GRIP1: variants seen among roughly 807,000 people sequenced by gnomAD.
GRIP1 encodes glutamate receptor-interacting protein 1.
GRIP1 carries 45 observed loss-of-function variants against 129.9 expected under a neutral mutation model. The ratio of observed to expected loss-of-function variants is 0.35; its 90% CI spans 0.27 to 0.44. GRIP1 has a LOEUF of 0.44. GRIP1 is among the 20% of genes least tolerant of loss of function. The pLI, the probability that GRIP1 is intolerant of heterozygous loss-of-function variation, is 1.00. For synonymous variants in GRIP1, 530 were observed against 520.8 expected (o/e 1.02, Z -0.24); for missense variants, 1,196 against 1,396.8 (o/e 0.86, Z 2.29).
chr12:66,874,123 T>C (rs755215878), intron 1 of GRIP1, among the ~76,000 whole-genome samples: 1 of 152,162 alleles, frequency 6.6e-6, no homozygotes, highest in Non-Finnish European at 1.5e-5. Flanking sequence ...TTAAATGCTA[T>C]TACTGTGTGA....
chr12:66,401,754 C>T (rs1209504124), intron 16 of GRIP1, among the ~76,000 whole-genome samples: 1 of 151,696 alleles, frequency 6.6e-6, no homozygotes, highest in African/African-American at 2.4e-5. Context: ...GTTAATTTGC[C>T]TAAATTTCCC....
At chr12:66,845,451 C>T (rs1425812034) in intron 1 of GRIP1, among the ~76,000 whole-genome samples, 2 of 152,090 alleles carry the variant, frequency 1.3e-5, no homozygotes, top group African/African-American at 4.8e-5. Flanking sequence ...AGTGAGACTC[C>T]TCTGTCTCAA....
intron 1 of GRIP1, among the ~76,000 whole-genome samples, chr12:66,640,261 T>C (rs146978212): frequency 6.6e-6 from 1 of 152,244 alleles, no homozygotes; most frequent in South Asian, 2.1e-4. Context: ...TTATTCAGAA[T>C]AGATACCAGG....
At chr12:66,627,407 G>A (rs530964433) in intron 1 of GRIP1, among the ~76,000 whole-genome samples, 6 of 152,238 alleles carry the variant, frequency 3.9e-5, no homozygotes, top group African/African-American at 1.4e-4. Context: ...CATTAATTCA[G>A]CAAATATCCA....
At chr12:66,506,523 C>T (rs114434644) in intron 7 of GRIP1, among the ~76,000 whole-genome samples, 1 of 152,166 alleles carries the variant, frequency 6.6e-6, no homozygotes, top group Middle Eastern at 3.4e-3. Context: ...ACAGGGGTTA[C>T]ACATGGGGAA....
intron 1 of GRIP1, among the ~76,000 whole-genome samples, chr12:67,062,012 T>C (rs1406544065): frequency 6.6e-6 from 1 of 152,178 alleles, no homozygotes. Flanking sequence ...GGTCACCAAG[T>C]CCATCTCCTG....
At chr12:66,355,610 A>G (rs1481870633) in intron 23 of GRIP1, among the ~76,000 whole-genome samples, 1 of 152,086 alleles carries the variant, frequency 6.6e-6, no homozygotes, top group Non-Finnish European at 1.5e-5. Context: ...CTTAGGGAGA[A>G]GTGGTTAGGT....
In GRIP1 at chr12:66,431,881, C is replaced by T. The variant is rs539000501; in HGVS notation, c.1768+667G>A. Reference sequence around the variant, plus strand: ...CCCGAGGAAAGGAGGGAATTGAGTACATTTATATGCTCCACTTTTCTTTCT... The same window carrying T: ...CCCGAGGAAAGGAGGGAATTGAGTATATTTATATGCTCCACTTTTCTTTCT... On this transcript the variant is annotated intron_variant, in intron 14 of 24. Coordinates refer to ENST00000359742, the MANE Select transcript of GRIP1 (RefSeq NM_001366722.1). 2.6e-5 allele frequency among the ~76,000 whole-genome samples: 4 copies of T among 152,236 alleles called. No homozygotes were observed. In the South Asian group the frequency reaches 6.2e-4, roughly 24 times the overall value.
chr12:66,757,148 C>T (rs747264799), intron 1 of GRIP1, among the ~76,000 whole-genome samples: 4 of 152,062 alleles, frequency 2.6e-5, no homozygotes, highest in Admixed American at 2.6e-4. Context: ...TTATTGTTGA[C>T]GGTTGTCACC....
rs377439773 is a variant in GRIP1 at position 66,394,318 on chromosome 12, G to A, written c.2019C>T (p.Thr673=). 2.2e-4 allele frequency: 356 copies of A among 1,613,686 alleles called. 1 individual carries two copies. The highest frequency in any genetic ancestry group is 2.9e-4 in the Non-Finnish European group (339 of 1,179,712). ...GCCCCCCGTAGCGTTTAAGCTCCAC[G>A]GTGTAAATAATTGCTCCGGAACTTT... ...EQESSGAIIY[T]VELKRYGGPL... is the part of the protein sequence containing the mutation. Residue 673 remains threonine (T), a synonymous_variant, in exon 17 of 25, where the codon ACC becomes ACT. Transcript: ENST00000359742.
At chr12:66,847,892 T>C (rs2039846518) in intron 1 of GRIP1, among the ~76,000 whole-genome samples, 1 of 152,242 alleles carries the variant, frequency 6.6e-6, no homozygotes, top group Non-Finnish European at 1.5e-5. Context: ...GTATGTGTTT[T>C]AATTTCCTTT....
intron 2 of GRIP1, among the ~76,000 whole-genome samples, chr12:66,566,157 TG>T (rs1331916774): frequency 6.6e-6 from 1 of 152,212 alleles, no homozygotes; most frequent in African/African-American, 2.4e-5. Context: ...TCCAACACTA[TG>T]TTGAACAGGA....
At position 67,054,860 on chromosome 12, in the gene GRIP1, G is replaced by A. The variant is rs78708732; in HGVS notation, c.58+14190C>T. ...AACAGAGACCAAGAGGGAGTGGCCA[G>A]TAAGGAGGAGGAAAAGCAGCATAAT... On this transcript the variant is annotated intron_variant, in intron 1 of 1. Coordinates refer to the GRIP1 transcript ENST00000643019. Among the ~76,000 whole-genome samples the A allele has an allele frequency of 1.6e-3, 246 of 152,174 alleles. 1 individual carries two copies. Among genetic ancestry groups the A allele is most frequent in the African/African-American group, 5.8e-3 (242 of 41,522 alleles).
At chr12:66,557,512 C>A (rs1038925863) in intron 2 of GRIP1, among the ~76,000 whole-genome samples, 37 of 152,126 alleles carry the variant, frequency 2.4e-4, no homozygotes. Context: ...ACAGTTGCAG[C>A]ATACACATTC....
intron 1 of GRIP1, among the ~76,000 whole-genome samples, chr12:66,938,765 T>C (rs201267642): frequency 6.6e-6 from 1 of 152,050 alleles, no homozygotes; most frequent in East Asian, 2.0e-4. Flanking sequence ...AAGACCATCC[T>C]GGCCAACATG....
rs151327631 is a variant in GRIP1, at chr12:66,545,600, T to G, written c.137-3650A>C. 7.9e-5 allele frequency among the ~76,000 whole-genome samples: 12 copies of G among 152,274 alleles called. No homozygotes were observed. In the East Asian group the frequency reaches 2.3e-3, roughly 29 times the overall value. ...GCTTCTGAAGGATATAAGATTAGAA[T>G]AAATGAAAAGGCATCCCATTCATTC... On this transcript the variant is annotated intron_variant, in intron 2 of 24. Transcript: ENST00000359742.
At chr12:66,888,230 T>C (rs1333872943) in intron 1 of GRIP1, among the ~76,000 whole-genome samples, 1 of 102,354 alleles carries the variant, frequency 9.8e-6, no homozygotes, top group African/African-American at 5.0e-5. Flanking sequence ...TAATTTTTTT[T>C]CATTTTTTTT....
chr12:66,641,803 T>A (rs1565934560), intron 1 of GRIP1, among the ~76,000 whole-genome samples: 1 of 152,324 alleles, frequency 6.6e-6, no homozygotes, highest in Non-Finnish European at 1.5e-5. Context: ...AGGATCGCAG[T>A]GCTACCATCA....
chr12:66,804,713 C>A (rs960275174), upstream of GRIP1, among the ~76,000 whole-genome samples: 1 of 152,162 alleles, frequency 6.6e-6, no homozygotes, highest in East Asian at 1.9e-4. Context: ...ACCTGCTAAT[C>A]CAACACCCTA....
Sources: gnomAD v4.1 joint callset for allele counts (sites outside exome capture counted in the v4.1 genomes callset) on GRCh38, gnomAD v4.1.1 for gene constraint, MANE v1.5 for transcripts, NCBI Gene and HGNC (gene_info 2026-07-23, HGNC 2026-07-21) for gene names.